Variants in TENM3 observed in about 807,000 individuals in gnomAD.
TENM3 encodes the protein teneurin transmembrane protein 3.
Under a neutral mutation model 255.1 loss-of-function variants are expected in TENM3, and 63 were observed. That is an observed-to-expected ratio of 0.25 (90% CI 0.20 to 0.30). The LOEUF (loss-of-function observed/expected upper bound fraction) is 0.30. Ranked by LOEUF, TENM3 falls within the 10% of genes least tolerant of loss-of-function variation. TENM3 has a pLI of 1.00. For synonymous variants in TENM3, 1,306 were observed against 1,322.3 expected, an observed-to-expected ratio of 0.99 and a Z score of 0.27; for missense variants, 2,929 against 3,461.1, an observed-to-expected ratio of 0.85 and a Z score of 3.86.
chr4:181,996,912 C>T, the TENM3 span, among the ~76,000 whole-genome samples: 1 of 152,142 alleles, frequency 6.6e-6, no homozygotes, highest in Non-Finnish European at 1.5e-5. Context: ...TTCTGAGGAG[C>T]GGATTATAAT....
At chr4:182,642,103 C>T (rs898255660) in intron 5 of TENM3, among the ~76,000 whole-genome samples, 3 of 152,158 alleles carry the variant, frequency 2.0e-5, no homozygotes, top group Non-Finnish European at 4.4e-5. Flanking sequence ...TCAATATTGA[C>T]AAGTATTATC....
chr4:181,610,267 G>C, the TENM3 span, among the ~76,000 whole-genome samples: 1 of 152,178 alleles, frequency 6.6e-6, no homozygotes, highest in Non-Finnish European at 1.5e-5. Context: ...TGGGCTAGCT[G>C]TGTGTCATTA....
chr4:181,736,262 C>T, the TENM3 span, among the ~76,000 whole-genome samples: 1 of 152,162 alleles, frequency 6.6e-6, no homozygotes, highest in Non-Finnish European at 1.5e-5. Flanking sequence ...GGCGCCATTG[C>T]ACTCCAGCCT....
At chr4:182,773,372 C>T in intron 22 of TENM3, 100 bp from the exon 23 acceptor site, 3 of 1,086,636 alleles carry the variant, frequency 2.8e-6, no homozygotes, top group Admixed American at 2.5e-5. Flanking sequence ...ACAAATAGTC[C>T]TCCAAATTTG....
At chr4:181,695,717 C>T in the TENM3 span, among the ~76,000 whole-genome samples, 1 of 152,134 alleles carries the variant, frequency 6.6e-6, no homozygotes, top group Non-Finnish European at 1.5e-5. Context: ...CCAGAACAGA[C>T]ACAGATTATT....
At chr4:181,938,918 T>C in the TENM3 span, among the ~76,000 whole-genome samples, 1 of 152,224 alleles carries the variant, frequency 6.6e-6, no homozygotes, top group Admixed American at 6.5e-5. Context: ...TACTGCAATA[T>C]AAAACATAAA....
intron 16 of TENM3, among the ~76,000 whole-genome samples, chr4:182,734,423 TAACTC>T (rs753752014): frequency 3.3e-5 from 5 of 152,148 alleles, no homozygotes; most frequent in Non-Finnish European, 7.3e-5. Context: ...TCTCTAAAGT[TAACTC>T]AAGTGGCAAA....
At chr4:181,819,589 A>G in the TENM3 span, among the ~76,000 whole-genome samples, 2 of 152,136 alleles carry the variant, frequency 1.3e-5, no homozygotes, top group African/African-American at 2.4e-5. Context: ...GGTTTCATGG[A>G]AGACAATTTT....
chr4:182,157,513 C>T (rs1561147003), intron 1 of TENM3, among the ~76,000 whole-genome samples: 1 of 152,192 alleles, frequency 6.6e-6, no homozygotes. Flanking sequence ...GAAATCTTCC[C>T]TCACTCTACA....
At chr4:182,026,446 A>G in the TENM3 span, among the ~76,000 whole-genome samples, 1 of 152,110 alleles carries the variant, frequency 6.6e-6, no homozygotes, top group Non-Finnish European at 1.5e-5. Context: ...CCTTTGCTGT[A>G]CAAAAGCTTT....
At chr4:181,544,938 T>C in the TENM3 span, among the ~76,000 whole-genome samples, 1 of 152,212 alleles carries the variant, frequency 6.6e-6, no homozygotes, top group African/African-American at 2.4e-5. Flanking sequence ...TTAAATGATA[T>C]GCAGCTAGAA....
intron 1 of TENM3, among the ~76,000 whole-genome samples, chr4:182,320,853 AG>A (rs1763007278): frequency 6.6e-6 from 1 of 152,206 alleles, no homozygotes; most frequent in South Asian, 2.1e-4. Flanking sequence ...AGAGTTTGCC[AG>A]TCAATACCTG....
At chr4:181,954,684 T>C in the TENM3 span, among the ~76,000 whole-genome samples, 15 of 152,176 alleles carry the variant, frequency 9.9e-5, no homozygotes, top group Non-Finnish European at 1.9e-4. Context: ...TGATTTTTCA[T>C]TTTCTAAAGG....
the TENM3 span, among the ~76,000 whole-genome samples, chr4:182,113,850 G>C: frequency 3.3e-5 from 5 of 152,064 alleles, no homozygotes. Context: ...TTAAACAATT[G>C]GATGGGACTC....
At chr4:182,497,275 T>A (rs1735866940) in intron 3 of TENM3, among the ~76,000 whole-genome samples, 1 of 151,970 alleles carries the variant, frequency 6.6e-6, no homozygotes, top group Admixed American at 6.6e-5. Flanking sequence ...ATGGCCTTGA[T>A]CTCCTGACCT....
chr4:182,771,772 G>A (rs547074563), intron 22 of TENM3, among the ~76,000 whole-genome samples: 3 of 152,328 alleles, frequency 2.0e-5, no homozygotes, highest in African/African-American at 7.2e-5. Context: ...AATAAACTCT[G>A]TTGGATTTCT....
At chr4:182,141,479 G>T (rs957463123), upstream of TENM3, 1 of 147,564 alleles carries the variant, frequency 6.8e-6, no homozygotes, top group Non-Finnish European at 1.5e-5. Context: ...TCAAATGATG[G>T]AACTTCTTTG....
chr4:182,076,809 G>T, the TENM3 span, among the ~76,000 whole-genome samples: 1 of 152,152 alleles, frequency 6.6e-6, no homozygotes, highest in Non-Finnish European at 1.5e-5. Flanking sequence ...CTGAAAAGCA[G>T]CCGTAGACGA....
the TENM3 span, among the ~76,000 whole-genome samples, chr4:182,136,144 T>G: frequency 6.6e-6 from 1 of 151,984 alleles, no homozygotes; most frequent in Non-Finnish European, 1.5e-5. Flanking sequence ...TTTGGAAAGC[T>G]GGTATGGAAA....
Sources: gnomAD v4.1 joint callset for allele counts (sites outside exome capture counted in the v4.1 genomes callset) on GRCh38, gnomAD v4.1.1 for gene constraint, MANE v1.5 for transcripts, NCBI Gene and HGNC (gene_info 2026-07-23, HGNC 2026-07-21) for gene names.